The following RAB38 variants were observed in gnomAD, a reference collection of about 807,000 sequenced individuals.
The protein encoded by RAB38 is RAB38, member RAS oncogene family.
A neutral mutation model predicts 18.4 loss-of-function variants in RAB38; 15 were observed. That is an observed-to-expected ratio of 0.82 (90% CI 0.55 to 1.26). The LOEUF is 1.26. Ranked by LOEUF, RAB38 falls within the 50% of genes most tolerant of loss-of-function variation. RAB38 has a pLI of 0.00. For synonymous variants in RAB38, 101 were observed against 104.4 expected, an observed-to-expected ratio of 0.97 and a Z score of 0.20; for missense variants, 294 against 267.4, an observed-to-expected ratio of 1.10 and a Z score of -0.69.
chr11:88,113,906 C>A lies in RAB38; in HGVS notation c.*82G>T, dbSNP rs945338692. ...GCCACATGTGGTATCTCTATCCTGA[C>A]GTTTACCCAAAATGGTAAAAATAGA... On this transcript the variant is annotated 3_prime_UTR_variant, in exon 3 of 3. Coordinates refer to ENST00000243662, the MANE Select transcript of RAB38 (RefSeq NM_022337.3). 1 of 1,541,184 alleles carries A rather than the reference C, an allele frequency of 6.5e-7. No homozygotes were observed.
the RAB38 span, among the ~76,000 whole-genome samples, chr11:87,910,472 A>AT: frequency 6.6e-6 from 1 of 151,942 alleles, no homozygotes; most frequent in Non-Finnish European, 1.5e-5. Context: ...ATAAAGTCAA[A>AT]TTTTTTAATT....
At chr11:87,909,889 A>G in the RAB38 span, among the ~76,000 whole-genome samples, 3 of 152,144 alleles carry the variant, frequency 2.0e-5, no homozygotes, top group African/African-American at 2.4e-5. Flanking sequence ...ACAAATCTTT[A>G]TATAAACATA....
the RAB38 span, among the ~76,000 whole-genome samples, chr11:88,003,773 AT>A: frequency 0.027 from 309 of 11,596 alleles, 52 homozygotes; most frequent in African/African-American, 0.038. Flanking sequence ...TATTGTATAT[AT>A]TATATATAAT....
chr11:87,873,247 C>A, the RAB38 span, among the ~76,000 whole-genome samples: 1 of 151,496 alleles, frequency 6.6e-6, no homozygotes, highest in South Asian at 2.1e-4. Context: ...TGTATATCTT[C>A]TTTGATAAGG....
the RAB38 span, among the ~76,000 whole-genome samples, chr11:88,069,102 G>A: frequency 1.1e-4 from 17 of 152,204 alleles, no homozygotes; most frequent in Admixed American, 3.9e-4. Flanking sequence ...GGGCCAGGGC[G>A]AGCTCCCGGT....
At chr11:88,070,697 T>C in the RAB38 span, among the ~76,000 whole-genome samples, 8 of 152,080 alleles carry the variant, frequency 5.3e-5, no homozygotes, top group African/African-American at 1.9e-4. Flanking sequence ...TGAAAAAAAA[T>C]TCCACTTACA....
At chr11:87,913,857 T>C in the RAB38 span, among the ~76,000 whole-genome samples, 2 of 152,146 alleles carry the variant, frequency 1.3e-5, no homozygotes, top group Non-Finnish European at 2.9e-5. Context: ...TGTGACACTC[T>C]GTGCTACCTC....
chr11:87,921,939 C>G, the RAB38 span, among the ~76,000 whole-genome samples: 8 of 151,932 alleles, frequency 5.3e-5, no homozygotes, highest in Admixed American at 1.3e-4. Context: ...TGAGCAAAAT[C>G]AGGATTCTGC....
At chr11:87,842,383 T>C in the RAB38 span, among the ~76,000 whole-genome samples, 30 of 152,132 alleles carry the variant, frequency 2.0e-4, no homozygotes, top group African/African-American at 6.5e-4. Context: ...AGGAGACAAG[T>C]TGAAATTCTG....
chr11:87,877,889 ATCT>A, the RAB38 span, among the ~76,000 whole-genome samples: 1 of 151,438 alleles, frequency 6.6e-6, no homozygotes, highest in Non-Finnish European at 1.5e-5. Flanking sequence ...CACTTGCCTT[ATCT>A]TCTTGTAGAG....
intron 1 of RAB38, among the ~76,000 whole-genome samples, chr11:88,171,263 C>T (rs1321724246): frequency 1.3e-5 from 2 of 152,116 alleles, no homozygotes; most frequent in Non-Finnish European, 2.9e-5. Context: ...AACGAAGGCA[C>T]AGAGGCTAAG....
chr11:88,162,565 G>C (rs949928589), intron 1 of RAB38, among the ~76,000 whole-genome samples: 1 of 151,818 alleles, frequency 6.6e-6, no homozygotes, highest in Non-Finnish European at 1.5e-5. Context: ...CTTTAGCTAA[G>C]ACTGTCTAAT....
the RAB38 span, among the ~76,000 whole-genome samples, chr11:87,805,931 C>T: frequency 1.3e-5 from 2 of 151,936 alleles, no homozygotes; most frequent in African/African-American, 4.8e-5. Context: ...AGTGGGCCTC[C>T]CCACGTTATT....
the RAB38 span, among the ~76,000 whole-genome samples, chr11:87,932,947 G>A: frequency 6.6e-6 from 1 of 152,076 alleles, no homozygotes; most frequent in East Asian, 1.9e-4. Context: ...CTTGGTTGCA[G>A]TTATGAGAAC....
rs549734708 is a variant in RAB38, at chr11:88,173,786, A to G, written c.202+1397T>C. 8.7e-5 allele frequency: 86 copies of G among 985,376 alleles called. No individual in the cohort carries two copies. The Middle Eastern group carries it at 4.2e-3, about 48-fold the overall frequency. 61.0% of individuals were successfully genotyped at this position (985,376 alleles called of 1,614,324 possible). On this transcript the variant is annotated intron_variant, in intron 1 of 2. Coordinates refer to ENST00000243662, the MANE Select transcript of RAB38 (RefSeq NM_022337.3). ...TCTGTTCTCTGATAACCCCCTTGCT[A>G]CTAGAGCAGCTGAAGATGACTCCAA...
At chr11:87,946,508 T>TA in the RAB38 span, among the ~76,000 whole-genome samples, 5 of 152,108 alleles carry the variant, frequency 3.3e-5, no homozygotes, top group African/African-American at 1.2e-4. Flanking sequence ...TCATTTAGCA[T>TA]TAGGCGTATC....
the RAB38 span, among the ~76,000 whole-genome samples, chr11:87,874,563 G>C: frequency 6.6e-6 from 1 of 151,098 alleles, no homozygotes; most frequent in South Asian, 2.1e-4. Flanking sequence ...ATGAGTTAAT[G>C]GGTGCAGCAC....
the RAB38 span, among the ~76,000 whole-genome samples, chr11:87,852,037 T>G: frequency 1.3e-5 from 2 of 152,108 alleles, no homozygotes; most frequent in Non-Finnish European, 2.9e-5. Context: ...CATGGAGAAT[T>G]ATAATTGGAT....
At chr11:87,931,010 C>G in the RAB38 span, among the ~76,000 whole-genome samples, 1 of 152,118 alleles carries the variant, frequency 6.6e-6, no homozygotes, top group Non-Finnish European at 1.5e-5. Context: ...ATGCCTCCAG[C>G]TTTGTTCTTT....
Sources: gnomAD v4.1 joint callset for allele counts (sites outside exome capture counted in the v4.1 genomes callset) on GRCh38, gnomAD v4.1.1 for gene constraint, MANE v1.5 for transcripts, NCBI Gene and HGNC (gene_info 2026-07-23, HGNC 2026-07-21) for gene names.